MACROD2: variants seen among roughly 807,000 people sequenced by gnomAD.
MACROD2 encodes mono-ADP ribosylhydrolase 2, also known as ADP-ribose glycohydrolase MACROD2.
MACROD2 carries 36 observed loss-of-function variants against 70.4 expected under a neutral mutation model. The observed-to-expected ratio is 0.51, with a 90% CI of 0.39 to 0.68. The LOEUF is 0.68. MACROD2 is among the 30% of genes least tolerant of loss of function. MACROD2 has a pLI of 0.00. For missense variants in MACROD2, 496 were observed against 538.4 expected (o/e 0.92, Z 0.78); for synonymous variants, 172 against 178.8 (o/e 0.96, Z 0.30).
At chr20:15,659,176 G>A (rs935922796) in intron 8 of MACROD2, among the ~76,000 whole-genome samples, 2 of 152,026 alleles carry the variant, frequency 1.3e-5, no homozygotes, top group Non-Finnish European at 2.9e-5. Flanking sequence ...TGGTCTAAGT[G>A]GAATGTTCAG....
At chr20:15,650,133 C>A (rs1025066677) in intron 8 of MACROD2, among the ~76,000 whole-genome samples, 1 of 152,088 alleles carries the variant, frequency 6.6e-6, no homozygotes, top group Non-Finnish European at 1.5e-5. Context: ...TGGGGAAGGA[C>A]TTGCTGCTTC....
intron 4 of MACROD2, among the ~76,000 whole-genome samples, chr20:14,530,290 G>C (rs2085286716): frequency 6.6e-6 from 1 of 152,158 alleles, no homozygotes. Flanking sequence ...AACTGATAAG[G>C]CTCAGGGGAT....
intron 4 of MACROD2, among the ~76,000 whole-genome samples, chr20:14,556,762 A>G (rs915119192): frequency 1.3e-5 from 2 of 152,100 alleles, no homozygotes; most frequent in African/African-American, 2.4e-5. Context: ...AATTTTTAAT[A>G]TGATCAAGTC....
At chr20:15,188,029 C>G (rs764450898) in intron 5 of MACROD2, among the ~76,000 whole-genome samples, 1 of 152,098 alleles carries the variant, frequency 6.6e-6, no homozygotes, top group African/African-American at 2.4e-5. Context: ...GAAACACAAT[C>G]GTAGGATTTT....
intron 10 of MACROD2, among the ~76,000 whole-genome samples, chr20:15,926,698 T>A (rs2065494490): frequency 6.6e-6 from 1 of 151,886 alleles, no homozygotes; most frequent in African/African-American, 2.4e-5. Flanking sequence ...GGTGGAGGGG[T>A]CAGGCAATGC....
intron 3 of MACROD2, among the ~76,000 whole-genome samples, chr20:14,114,878 A>G (rs2054496068): frequency 6.6e-6 from 1 of 152,194 alleles, no homozygotes; most frequent in Non-Finnish European, 1.5e-5. Context: ...TTAAAGTAAT[A>G]TCTTCATAAT....
intron 8 of MACROD2, among the ~76,000 whole-genome samples, chr20:15,857,830 G>T (rs548229924): frequency 6.6e-6 from 1 of 152,294 alleles, no homozygotes; most frequent in South Asian, 2.1e-4. Context: ...GAGGAGAGAT[G>T]ATGGCTTGTC....
In MACROD2 at chr20:15,527,025, T is replaced by C. The variant is rs75414021; in HGVS notation, c.645+27178T>C. ...TTTGGTAACAGTTGTCGTGGGTGAA[T>C]GCCAAAATATTATGTAAAATAAAAC... On this transcript the variant is annotated intron_variant, in intron 8 of 17. Transcript: ENST00000684519. Among the ~76,000 whole-genome samples the C allele has an allele frequency of 6.9e-4, 105 of 152,290 alleles. 1 individual carries two copies. The highest frequency in any genetic ancestry group is 1.6e-3 in the Admixed American group (24 of 15,298).
intron 8 of MACROD2, among the ~76,000 whole-genome samples, chr20:15,862,179 C>T (rs868331676): frequency 2.0e-5 from 3 of 152,204 alleles, no homozygotes; most frequent in Non-Finnish European, 2.9e-5. Flanking sequence ...ATCGACCTTG[C>T]GTCACTGTCA....
chr20:15,290,749 C>G (rs1389345867), intron 6 of MACROD2, among the ~76,000 whole-genome samples: 2 of 152,148 alleles, frequency 1.3e-5, no homozygotes, highest in Non-Finnish European at 2.9e-5. Context: ...TAACTTTTTT[C>G]CAGCCTCTCT....
chr20:14,753,483 A>G (rs2071901532), intron 5 of MACROD2, among the ~76,000 whole-genome samples: 1 of 152,124 alleles, frequency 6.6e-6, no homozygotes, highest in African/African-American at 2.4e-5. Context: ...TTGAATTTTT[A>G]GAGCTTAAAT....
intron 10 of MACROD2, among the ~76,000 whole-genome samples, chr20:15,915,245 G>A (rs1460645371): frequency 2.0e-5 from 3 of 152,024 alleles, no homozygotes; most frequent in East Asian, 1.9e-4. Flanking sequence ...CTCTGTAGTC[G>A]CAAGGTTGGG....
At chr20:15,107,716 T>G (rs2075922040) in intron 5 of MACROD2, among the ~76,000 whole-genome samples, 1 of 152,216 alleles carries the variant, frequency 6.6e-6, no homozygotes, top group African/African-American at 2.4e-5. Context: ...TGTTTCCATT[T>G]TATGTTTCAA....
chr20:15,336,482 T>G (rs2423934), intron 6 of MACROD2, among the ~76,000 whole-genome samples: 1 of 151,198 alleles, frequency 6.6e-6, no homozygotes, highest in Non-Finnish European at 1.5e-5. Context: ...TGCTATCTCT[T>G]TGACCCATCT....
chr20:15,020,335 G>T (rs1425597617), intron 5 of MACROD2, among the ~76,000 whole-genome samples: 2 of 152,108 alleles, frequency 1.3e-5, no homozygotes, highest in Non-Finnish European at 2.9e-5. Context: ...ATAGGAGAGA[G>T]GAGTTAGAAG....
At chr20:14,534,939 C>A in intron 4 of MACROD2, among the ~76,000 whole-genome samples, 1 of 152,030 alleles carries the variant, frequency 6.6e-6, no homozygotes, top group Non-Finnish European at 1.5e-5. Flanking sequence ...TATTGTTGTC[C>A]TTGGAGACAG....
intron 5 of MACROD2, among the ~76,000 whole-genome samples, chr20:14,724,000 A>G (rs550198590): frequency 1.2e-4 from 19 of 152,280 alleles, no homozygotes; most frequent in Non-Finnish European, 2.1e-4. Context: ...ACAGAGGATA[A>G]GAACTAAGAT....
intron 7 of MACROD2, among the ~76,000 whole-genome samples, chr20:15,468,452 T>G (rs1441580893): frequency 6.6e-6 from 1 of 152,218 alleles, no homozygotes; most frequent in African/African-American, 2.4e-5. Flanking sequence ...GACTAGTGAT[T>G]TGCACCTTGC....
At chr20:14,930,832 A>T (rs353144) in intron 5 of MACROD2, among the ~76,000 whole-genome samples, 58,996 of 127,432 alleles carry the variant, frequency 0.46, 14,603 homozygotes, top group South Asian at 0.68. Context: ...TTTTTAAGTA[A>T]TTTTTTTTTA....
Sources: allele counts gnomAD v4.1 joint callset (sites outside exome capture counted in the v4.1 genomes callset), GRCh38; gene constraint gnomAD v4.1.1; transcripts MANE v1.5; gene names NCBI Gene and HGNC (gene_info 2026-07-23, HGNC 2026-07-21).